Variants in HAL observed in about 807,000 individuals in gnomAD.
The protein encoded by HAL is histidine ammonia-lyase.
A neutral mutation model predicts 81.1 loss-of-function variants in HAL; 85 were observed. That is an observed-to-expected ratio of 1.05 (90% confidence interval 0.88 to 1.25). The LOEUF is 1.25. Ranked by LOEUF, HAL falls within the 50% of genes most tolerant of loss-of-function variation. The pLI, the probability that HAL is intolerant of heterozygous loss-of-function variation, is 0.00. For synonymous variants in HAL, 301 were observed against 309.2 expected, an observed-to-expected ratio of 0.97 and a Z score of 0.28; for missense variants, 798 against 836.6, an observed-to-expected ratio of 0.95 and a Z score of 0.57.
At chr12:95,983,602 T>C (rs1949838756) in intron 15 of HAL, 9 of 419,760 alleles carry the variant, frequency 2.1e-5, no homozygotes, top group Non-Finnish European at 4.0e-5. Context: ...CAGTGGGTTT[T>C]AGGGCCAGTG....
rs760126003 is a variant in HAL at position 95,976,644 on chromosome 12, T to A, written c.1717A>T (p.Thr573Ser). The change falls in exon 19 of 21, where the codon ACC becomes TCC. Residue 573 changes from threonine to serine, a missense_variant. Transcript: ENST00000261208. Reference protein sequence around the residue: ...GIEFLRPLKTTTPLEKVYDLV... With the variant: ...GIEFLRPLKTSTPLEKVYDLV... ...TCATAGACCTTCTCCAGCGGAGTGG[T>A]TGTTTTCAGGGGACGTAGAAACTCT... 1.9e-6 allele frequency: 3 copies of A among 1,613,376 alleles called. No individual in the cohort carries two copies. In the Admixed American group the frequency reaches 5.0e-5, roughly 27 times the overall value.
chr12:95,993,464 G>GCGTA lies in HAL; in HGVS notation c.572_575dup (p.Ser193ThrfsTer14). ...GTTTTGACTTACCTGAAGAATGTGA[G>GCGTA]CGTACTAAGTTGACCTGAAGCTCCC... is the stretch of plus-strand genomic sequence containing the variant. On this transcript the variant is annotated frameshift_variant, in exon 8 of 21. Coordinates refer to ENST00000261208, the MANE Select transcript of HAL (RefSeq NM_002108.4). LOFTEE classifies it high-confidence loss of function. 1 of 1,604,450 alleles carries GCGTA rather than the reference G, an allele frequency of 6.2e-7. No homozygotes were observed. The highest frequency in any genetic ancestry group is 1.1e-5 in the South Asian group (1 of 90,900).
chr12:95,985,846 C>G, intron 14 of HAL, 62 bp downstream of exon 14: 1 of 1,123,972 alleles, frequency 8.9e-7, no homozygotes, highest in Admixed American at 2.0e-5. Context: ...TCATCCTGAA[C>G]CTGGGGAAAG....
In HAL at chr12:95,987,177, G is replaced by C; in HGVS notation, c.941C>G (p.Ser314Cys). The C allele has an allele frequency of 1.2e-6, 2 of 1,613,862 alleles. No homozygotes were observed. Among genetic ancestry groups the C allele is most frequent in the Non-Finnish European group, 8.5e-7 (1 of 1,179,716 alleles). ...ALINGTQMITSLGCEAVERAS... is the reference protein window; with the variant it reads ...ALINGTQMITCLGCEAVERAS... ...TCGCTCTACAGCTTCACAGCCCAGGGATGTGATCATCTGCGTCCCATTGAT... is the reference window on the plus strand; with the variant it reads ...TCGCTCTACAGCTTCACAGCCCAGGCATGTGATCATCTGCGTCCCATTGAT... Residue 314 changes from serine (S) to cysteine (C), a missense_variant, in exon 12 of 21, where the codon TCC becomes TGC. Ser to Cys is a moderately radical substitution (Grantham distance 112). Transcript: ENST00000261208.
rs758366056 is a variant in HAL, at chr12:95,990,486, A to G, written c.762T>C (p.Ser254=). The change falls in exon 10 of 21, where the codon AGT becomes AGC. Residue 254 remains serine, a synonymous_variant. Coordinates refer to ENST00000261208, the MANE Select transcript of HAL (RefSeq NM_002108.4). ...GATGAGAGAGTGGGGCAAGGTCTCC[A>G]CTGGCACCAACGGTTCCTTTCTCTG... ...YVPEKGTVGA[S]GDLAPLSHLA... 1.2e-6 allele frequency: 2 copies of G among 1,612,684 alleles called. No homozygotes were observed. Among genetic ancestry groups the G allele is most frequent in the Non-Finnish European group, 1.7e-6 (2 of 1,178,674 alleles).
At chr12:95,986,570 G>A (rs945551596) in intron 12 of HAL, among the ~76,000 whole-genome samples, 9 of 152,184 alleles carry the variant, frequency 5.9e-5, no homozygotes, top group African/African-American at 2.2e-4. Flanking sequence ...TAAAGGAACA[G>A]GGCGAATAAC....
intron 15 of HAL, among the ~76,000 whole-genome samples, chr12:95,981,151 T>C (rs2080790646): frequency 6.6e-6 from 1 of 151,004 alleles, no homozygotes; most frequent in East Asian, 2.0e-4. Context: ...ACTAACCTGG[T>C]GGTTAGTACC....
At chr12:95,978,195 C>T in intron 17 of HAL, 117 bp from the exon 18 acceptor site, 2 of 818,748 alleles carry the variant, frequency 2.4e-6, no homozygotes, top group Non-Finnish European at 4.1e-6. Context: ...AGATCTTGGA[C>T]ATTATCCAAG....
intron 10 of HAL, 27 bp downstream of exon 10, chr12:95,990,366 G>T (rs371251778): frequency 6.2e-7 from 1 of 1,601,326 alleles, no homozygotes; most frequent in East Asian, 2.2e-5. Context: ...GGCAATTGCT[G>T]CAGATAGAAG....
chr12:95,980,895 G>A (rs769602124), intron 15 of HAL, 32 bp from the exon 16 acceptor site: 8 of 1,268,060 alleles, frequency 6.3e-6, no homozygotes, highest in South Asian at 6.0e-5. Context: ...TGAAGATAAT[G>A]TTTGCTGGTC....
In HAL at chr12:95,985,937, C is replaced by T. The variant is rs766606716; in HGVS notation, c.1177G>A (p.Asp393Asn). ...GGACAGCAGCGCAAGGTGTATGCAT[C>T]CTGGACGCGATCACAGAACCTGTGA... ...ESHRFCDRVQDAYTLRCCPQV... is the reference protein window; with the variant it reads ...ESHRFCDRVQNAYTLRCCPQV... The change falls in exon 14 of 21, where the codon GAT becomes AAT. Residue 393 changes from aspartate to asparagine, a missense_variant. Transcript: ENST00000261208. 1 of 1,611,672 alleles carries T rather than the reference C, an allele frequency of 6.2e-7. No homozygotes were observed. Among genetic ancestry groups the T allele is most frequent in the Non-Finnish European group, 8.5e-7 (1 of 1,178,580 alleles).
Position 95,976,845 on chromosome 12 carries a change from C to T in HAL, c.1655-139G>A, listed in dbSNP as rs76353178. ...TCTGTCTATTGGTAGAATGAAGTTG[C>T]TTTGGTATTTAGTTGCCATTTTAAC... On this transcript the variant is annotated intron_variant, in intron 18 of 20. Coordinates refer to ENST00000261208, the MANE Select transcript of HAL (RefSeq NM_002108.4). 9.5e-4 allele frequency: 671 copies of T among 709,308 alleles called. 9 individuals carry two copies. The East Asian group carries it at 0.017, about 18-fold the overall frequency. 43.9% of individuals were successfully genotyped at this position (709,308 alleles called of 1,614,324 possible). A position where few individuals can be genotyped will look rare whatever the true frequency, so the allele number is the denominator to read the frequency against.
rs2080719052 is a variant in HAL at position 95,976,417 on chromosome 12, G to C, written c.1833+12C>G. The C allele has an allele frequency of 6.2e-7, 1 of 1,603,430 alleles. No individual in the cohort carries two copies. On this transcript the variant is annotated intron_variant, in intron 20 of 20. Transcript: ENST00000261208. ...ATTAAAAATTAAGAAACAAGCCAAG[G>C]AGCCAGCTTGCCTTCTGCTCCAGGA...
In HAL at chr12:95,976,626, CCTT is replaced by C. The variant is rs779454868; in HGVS notation, c.1732_1734del (p.Lys578del). The C allele has an allele frequency of 3.2e-5, 52 of 1,612,164 alleles. No individual in the cohort carries two copies. Among genetic ancestry groups the C allele is most frequent in the Non-Finnish European group, 3.8e-5 (45 of 1,178,148 alleles). On this transcript the variant is annotated inframe_deletion, in exon 19 of 21. Transcript: ENST00000261208. ...ACAACAGAGCGCACCAGGTCATAGA[CCTT>C]CTCCAGCGGAGTGGTTGTTTTCAGG...
Position 95,993,779 on chromosome 12 carries a change from T to TATTG in HAL, c.540_543dup (p.Lys182GlnfsTer2). The TATTG allele has an allele frequency of 6.5e-7, 1 of 1,528,884 alleles. No homozygotes were observed. 94.7% of individuals were successfully genotyped at this position (1,528,884 alleles called of 1,614,324 possible). ...TGTGTGTTTTAAACTTACTGTAGCT[T>TATTG]ATTGATAGGAATTACAGTTCTGGCA... is the stretch of plus-strand genomic sequence containing the variant. On this transcript the variant is annotated frameshift_variant, in exon 7 of 21. Transcript: ENST00000261208. LOFTEE classifies it high-confidence loss of function.
intron 15 of HAL, 43 bp from the exon 16 acceptor site, chr12:95,980,906 A>G: frequency 9.0e-7 from 1 of 1,107,068 alleles, no homozygotes; most frequent in South Asian, 1.2e-5. Context: ...TTTGCTGGTC[A>G]CTTCAAGTAC....
chr12:95,995,305 G>T (rs1950020816), intron 2 of HAL: 1 of 563,972 alleles, frequency 1.8e-6, no homozygotes, highest in Non-Finnish European at 3.2e-6. Context: ...CAGTCTGGGG[G>T]TGGGGGTGGA....
At chr12:95,986,493 T>C (rs1231745081) in intron 12 of HAL, among the ~76,000 whole-genome samples, 2 of 152,176 alleles carry the variant, frequency 1.3e-5, no homozygotes, top group Non-Finnish European at 2.9e-5. Flanking sequence ...CCTTCTACTT[T>C]AAATATCTGA....
rs1274798312 is a variant in HAL, at chr12:95,995,851, C to A, written c.60G>T (p.Ala20=). The change falls in exon 2 of 21, where the codon GCG becomes GCT. Residue 20 remains alanine (A), a synonymous_variant. Coordinates refer to ENST00000261208, the MANE Select transcript of HAL (RefSeq NM_002108.4). The part of the protein sequence containing the change: ...GEWLAVPCQD[A]QLTVGWLGRE... ...GGCCCAGCCAGCCCACAGTGAGCTG[C>A]GCGTCCTGGCAGGGCACTGCCAGCC... The A allele has an allele frequency of 3.1e-6, 5 of 1,609,862 alleles. No individual in the cohort carries two copies. In the Admixed American group the frequency reaches 5.0e-5, roughly 16 times the overall value.
Sources: gnomAD v4.1 joint callset for allele counts (sites outside exome capture counted in the v4.1 genomes callset) on GRCh38, gnomAD v4.1.1 for gene constraint, MANE v1.5 for transcripts, NCBI Gene and HGNC (gene_info 2026-07-23, HGNC 2026-07-21) for gene names.